The following CAMSAP1 variants were observed in gnomAD, a reference collection of about 807,000 sequenced individuals.
CAMSAP1 encodes the protein calmodulin regulated spectrin associated protein 1.
In CAMSAP1, 58 loss-of-function variants were observed where a neutral mutation model predicts 143.5. The ratio of observed to expected loss-of-function variants is 0.40; its 90% CI spans 0.33 to 0.50. The LOEUF (loss-of-function observed/expected upper bound fraction) is 0.50. Among genes scored for constraint, CAMSAP1 ranks in the 20% least tolerant of loss-of-function variants. The pLI is 0.45. For synonymous variants in CAMSAP1, 945 were observed against 859.3 expected (o/e 1.10, Z -1.74); for missense variants, 1,969 against 2,115.7 (o/e 0.93, Z 1.36).
intron 7 of CAMSAP1, among the ~76,000 whole-genome samples, chr9:135,835,542 C>T (rs1400783859): frequency 2.0e-5 from 3 of 152,188 alleles, no homozygotes; most frequent in East Asian, 3.9e-4. Context: ...AGGCACAAAA[C>T]GCAGAGCCAA....
chr9:135,845,743 T>C (rs192153065), intron 7 of CAMSAP1, among the ~76,000 whole-genome samples: 175 of 152,112 alleles, frequency 1.2e-3, no homozygotes, highest in Middle Eastern at 6.8e-3. Flanking sequence ...GAGAGCCAAA[T>C]CATGAGTGAA....
Position 135,837,456 on chromosome 9 carries a change from C to T in CAMSAP1, c.1046-9872G>A, listed in dbSNP as rs555562868. On this transcript the variant is annotated intron_variant, in intron 7 of 16. Coordinates refer to ENST00000389532, the MANE Select transcript of CAMSAP1 (RefSeq NM_015447.4). Reference sequence around the variant, plus strand: ...CCCCTTCTACAGACACACGTCATCACGCGCTTTCTACCCCTTCTACAGACA... The same window carrying T: ...CCCCTTCTACAGACACACGTCATCATGCGCTTTCTACCCCTTCTACAGACA... 1.3e-3 allele frequency among the ~76,000 whole-genome samples: 191 copies of T among 147,566 alleles called. 1 individual carries two copies. Among genetic ancestry groups the T allele is most frequent in the African/African-American group, 4.3e-3 (172 of 39,722 alleles).
rs1054619299 is a variant in CAMSAP1 at position 135,822,898 on chromosome 9, T to C, written c.1763A>G (p.Asp588Gly). ...GQLDTSESKP[D>G]SFFLEPLMPA... ...CATCAAAGGCTCCAAGAAAAAACTGTCAGGCTTACTTTCCGAGGTGTCCAG... is the reference window on the plus strand; with the variant it reads ...CATCAAAGGCTCCAAGAAAAAACTGCCAGGCTTACTTTCCGAGGTGTCCAG... Residue 588 changes from aspartate to glycine, a missense_variant, in exon 11 of 17, where the codon GAC becomes GGC. Transcript: ENST00000389532. The surrounding 1 kb of genome is among the most constrained non-coding windows in gnomAD (Gnocchi z 6.1). The C allele has an allele frequency of 1.9e-6, 3 of 1,613,792 alleles. No individual in the cohort carries two copies. The highest frequency in any genetic ancestry group is 3.3e-5 in the Admixed American group (2 of 59,998).
Position 135,823,146 on chromosome 9 carries a change from T to C in CAMSAP1, c.1515A>G (p.Ala505=), listed in dbSNP as rs754331471. The C allele has an allele frequency of 1.2e-6, 2 of 1,613,274 alleles. No individual in the cohort carries two copies. Among genetic ancestry groups the C allele is most frequent in the African/African-American group, 2.7e-5 (2 of 75,024 alleles). Residue 505 remains alanine, a synonymous_variant, in exon 11 of 17, where the codon GCA becomes GCG. Transcript: ENST00000389532. ...LARSISKDSL[A]SNIVNLTPQN... is the part of the protein sequence containing the mutation. ...GTGGGGTCAGATTAACAATGTTGGA[T>C]GCCAAACTGTCTTTGCTGATGGAGC...
chr9:135,842,847 T>C (rs1032520310), intron 7 of CAMSAP1, among the ~76,000 whole-genome samples: 3 of 152,066 alleles, frequency 2.0e-5, no homozygotes, highest in African/African-American at 7.2e-5. Context: ...GCACTAAACA[T>C]GGAAAGGAAA....
Position 135,824,161 on chromosome 9 carries a change from CAG to C in CAMSAP1, c.1316-129_1316-128del, listed in dbSNP as rs1334181730. On this transcript the variant is annotated intron_variant, in intron 9 of 16. Coordinates refer to ENST00000389532, the MANE Select transcript of CAMSAP1 (RefSeq NM_015447.4). This position sits in a 1 kb window ranked among gnomAD's most constrained non-coding sequence, Gnocchi z 4.1. Reference sequence around the variant, plus strand: ...TACACCAGAAGGGCCGCATGGAAAGCAGAGAGGCAAAACCATACAGTTGTCCC... The same window carrying C: ...TACACCAGAAGGGCCGCATGGAAAGCAGAGGCAAAACCATACAGTTGTCCC... The C allele has an allele frequency of 9.2e-6, 7 of 757,152 alleles. No individual in the cohort carries two copies. Among genetic ancestry groups the C allele is most frequent in the African/African-American group, 1.7e-5 (1 of 57,992 alleles). The allele number at this position is 757,152 out of a possible 1,614,324, so 46.9% of individuals were successfully genotyped here.
At chr9:135,906,873 C>T in intron 1 of CAMSAP1, 127 bp downstream of exon 1, 1 of 524,808 alleles carries the variant, frequency 1.9e-6, no homozygotes. Context: ...GCCGGCCCAG[C>T]CCCGACCCTG....
chr9:135,818,589 C>G lies in CAMSAP1; in HGVS notation c.3987G>C (p.Arg1329=). The G allele has an allele frequency of 6.2e-7, 1 of 1,613,408 alleles. No individual in the cohort carries two copies. Among genetic ancestry groups the G allele is most frequent in the Non-Finnish European group, 8.5e-7 (1 of 1,179,818 alleles). Residue 1329 remains arginine, a synonymous_variant, in exon 13 of 17, where the codon CGG becomes CGC. Transcript: ENST00000389532. The surrounding 1 kb of genome is among the most constrained non-coding windows in gnomAD (Gnocchi z 7.7). The part of the protein sequence containing the change: ...ARRKAEEDRV[R]KEEEKARREL... ...CGCGCCGCGCCTTCTCCTCCTCCTTCCGCACCCGGTCTTCCTCAGCTTTGC... is the reference window on the plus strand; with the variant it reads ...CGCGCCGCGCCTTCTCCTCCTCCTTGCGCACCCGGTCTTCCTCAGCTTTGC...
intron 3 of CAMSAP1, among the ~76,000 whole-genome samples, chr9:135,880,615 C>T (rs1417131225): frequency 2.6e-5 from 4 of 152,176 alleles, no homozygotes; most frequent in Non-Finnish European, 5.9e-5. Context: ...TTCACAGCGA[C>T]GGAGGGGTCT....
chr9:135,862,791 T>C (rs561176566), intron 4 of CAMSAP1, among the ~76,000 whole-genome samples, 183 bp from the exon 5 acceptor site: 2 of 152,208 alleles, frequency 1.3e-5, no homozygotes, highest in South Asian at 2.1e-4. Flanking sequence ...AACATATATG[T>C]CAAGATCCAA....
At chr9:135,877,856 G>C (rs1200970334) in intron 3 of CAMSAP1, among the ~76,000 whole-genome samples, 1 of 151,996 alleles carries the variant, frequency 6.6e-6, no homozygotes, top group African/African-American at 2.4e-5. Flanking sequence ...CAACTGGCTG[G>C]GCATCAATAA....
In CAMSAP1 at chr9:135,821,642, G is replaced by C; in HGVS notation, c.3019C>G (p.Leu1007Val). ...ACAACCTCCCCAACAGTGTCCTCCA[G>C]GAGGGCAGCGGAGATCACCTTATTT... ...ERNKVISAAL[L>V]EDTVGEVVDV... The change falls in exon 11 of 17, where the codon CTG becomes GTG. Residue 1007 changes from leucine to valine, a missense_variant. Physicochemically the swap from Leu to Val is conservative, Grantham distance 32. Transcript: ENST00000389532. The surrounding 1 kb of genome is among the most constrained non-coding windows in gnomAD (Gnocchi z 4.6). 6.2e-7 allele frequency: 1 copy of C among 1,614,036 alleles called. No individual in the cohort carries two copies. Among genetic ancestry groups the C allele is most frequent in the Non-Finnish European group, 8.5e-7 (1 of 1,179,898 alleles).
At chr9:135,848,285 C>T (rs975784256) in intron 7 of CAMSAP1, among the ~76,000 whole-genome samples, 1 of 152,068 alleles carries the variant, frequency 6.6e-6, no homozygotes, top group Non-Finnish European at 1.5e-5. Context: ...AACATTCTAA[C>T]AGCAAGGTAA....
At chr9:135,864,245 C>T (rs371292670) in intron 4 of CAMSAP1, among the ~76,000 whole-genome samples, 1 of 152,226 alleles carries the variant, frequency 6.6e-6, no homozygotes, top group Non-Finnish European at 1.5e-5. Flanking sequence ...AGTCTGTGAG[C>T]CCTTGACTAA....
intron 5 of CAMSAP1, among the ~76,000 whole-genome samples, chr9:135,855,038 C>T (rs754493373): frequency 3.3e-5 from 5 of 152,020 alleles, no homozygotes; most frequent in Non-Finnish European, 5.9e-5. Context: ...GTCACCCAGG[C>T]TGGAGTGCAG....
chr9:135,859,692 G>A lies in CAMSAP1; in HGVS notation c.808+2775C>T, dbSNP rs142591360. ...CAGGGGTGAGCCACCGCGCCTGGCC[G>A]TAACTCTGCCATTTTTTAAAATCCA... is the stretch of plus-strand genomic sequence containing the variant. On this transcript the variant is annotated intron_variant, in intron 5 of 16. Transcript: ENST00000389532. Among the ~76,000 whole-genome samples the A allele has an allele frequency of 6.6e-3, 999 of 151,462 alleles. 6 individuals carry two copies. Among genetic ancestry groups the A allele is most frequent in the African/African-American group, 0.022 (920 of 41,332 alleles).
intron 3 of CAMSAP1, among the ~76,000 whole-genome samples, chr9:135,875,036 GAT>G (rs1367865385): frequency 6.6e-6 from 1 of 152,182 alleles, no homozygotes; most frequent in Admixed American, 6.5e-5. Flanking sequence ...AACGGAGAGA[GAT>G]AAGCATGTCT....
At chr9:135,903,187 G>C (rs1227600366) in intron 1 of CAMSAP1, among the ~76,000 whole-genome samples, 1 of 152,138 alleles carries the variant, frequency 6.6e-6, no homozygotes, top group Admixed American at 6.6e-5. Context: ...GTAAAATAAA[G>C]GGAACTTCAG....
intron 3 of CAMSAP1, among the ~76,000 whole-genome samples, chr9:135,870,851 T>C (rs75564303): frequency 0.011 from 1,628 of 152,312 alleles, 19 homozygotes; most frequent in Middle Eastern, 0.034. Flanking sequence ...ATTTTAACAA[T>C]AGTGAAGTTT....
Sources: gnomAD v4.1 joint callset for allele counts (sites outside exome capture counted in the v4.1 genomes callset) on GRCh38, gnomAD v4.1.1 for gene constraint, Gnocchi (gnomAD v3.1) non-coding constraint, MANE v1.5 for transcripts, NCBI Gene and HGNC (gene_info 2026-07-23, HGNC 2026-07-21) for gene names.